Variants in NAALADL2 observed in about 807,000 individuals in gnomAD.
The protein encoded by NAALADL2 is N-acetylated alpha-linked acidic dipeptidase like 2, also known as inactive N-acetylated-alpha-linked acidic dipeptidase-like protein 2.
A neutral mutation model predicts 87.2 loss-of-function variants in NAALADL2; 76 were observed. That is an observed-to-expected ratio of 0.87 (90% CI 0.72 to 1.05). The LOEUF (loss-of-function observed/expected upper bound fraction) is 1.05. NAALADL2 is among the 50% of genes least tolerant of loss of function. NAALADL2 has a pLI of 0.00. For synonymous variants in NAALADL2, 354 were observed against 331.0 expected, an observed-to-expected ratio of 1.07 and a Z score of -0.75; for missense variants, 1,089 against 945.8, an observed-to-expected ratio of 1.15 and a Z score of -1.99.
intron 9 of NAALADL2, among the ~76,000 whole-genome samples, chr3:175,552,057 A>G (rs1244027476): frequency 6.6e-6 from 1 of 152,058 alleles, no homozygotes; most frequent in South Asian, 2.1e-4. Flanking sequence ...GCTTAAACCT[A>G]TGTGTATATA....
intron 5 of NAALADL2, among the ~76,000 whole-genome samples, chr3:175,375,615 C>T (rs1767038580): frequency 6.6e-6 from 1 of 152,104 alleles, no homozygotes; most frequent in African/African-American, 2.4e-5. Flanking sequence ...GATATTAGTA[C>T]AGTCACTCTA....
At chr3:175,092,109 A>G (rs1051007428) in intron 1 of NAALADL2, among the ~76,000 whole-genome samples, 11 of 151,978 alleles carry the variant, frequency 7.2e-5, no homozygotes, top group Non-Finnish European at 4.4e-5. Flanking sequence ...AGCACATTAA[A>G]TAATTTATCT....
intron 3 of NAALADL2, among the ~76,000 whole-genome samples, chr3:174,773,993 T>C (rs1333773219): frequency 1.3e-5 from 2 of 152,134 alleles, no homozygotes; most frequent in Non-Finnish European, 2.9e-5. Context: ...GATTGCCTTA[T>C]GAAGCAAGTG....
In NAALADL2 at chr3:175,447,235, G is replaced by C; in HGVS notation, c.1097G>C (p.Ser366Thr). ...CTTTGTCTTTTGAATACAGATGAAA[G>C]TTTTAGACAAAGCCGATCAAACCTC... ...STPGYPSVDESFRQSRSNLTS... is the reference protein window; with the variant it reads ...STPGYPSVDETFRQSRSNLTS... Residue 366 changes from serine (S) to threonine (T), a missense_variant, in exon 6 of 14, where the codon AGT (serine) becomes ACT (threonine). Ser to Thr is a moderately conservative substitution (Grantham distance 58). Transcript: ENST00000454872. 1 of 1,582,118 alleles carries C rather than the reference G, an allele frequency of 6.3e-7. No homozygotes were observed. Among genetic ancestry groups the C allele is most frequent in the South Asian group, 1.2e-5 (1 of 84,906 alleles).
intron 11 of NAALADL2, among the ~76,000 whole-genome samples, chr3:175,662,219 A>T (rs1732356597): frequency 6.6e-6 from 1 of 151,640 alleles, no homozygotes; most frequent in African/African-American, 2.4e-5. Context: ...CCTTGGTTAG[A>T]TTTATTCCTA....
chr3:175,158,927 C>G (rs559282990), intron 2 of NAALADL2, among the ~76,000 whole-genome samples: 1 of 152,132 alleles, frequency 6.6e-6, no homozygotes, highest in East Asian at 1.9e-4. Context: ...ATTTACTAAA[C>G]TTTCACTTTT....
chr3:174,602,827 T>A (rs1718591816), intron 2 of NAALADL2, among the ~76,000 whole-genome samples: 1 of 152,088 alleles, frequency 6.6e-6, no homozygotes, highest in Non-Finnish European at 1.5e-5. Flanking sequence ...TAAGGATTTT[T>A]ATTATGAAGT....
chr3:175,164,097 G>T (rs1192421729), intron 2 of NAALADL2, among the ~76,000 whole-genome samples: 1 of 151,850 alleles, frequency 6.6e-6, no homozygotes, highest in Non-Finnish European at 1.5e-5. Context: ...TTAATTTTAA[G>T]AACTAATAAT....
intron 1 of NAALADL2, among the ~76,000 whole-genome samples, chr3:174,543,020 A>G (rs1257914811): frequency 2.6e-5 from 4 of 152,128 alleles, no homozygotes; most frequent in Non-Finnish European, 5.9e-5. Flanking sequence ...TTGTGGGATT[A>G]CCCATCAGCA....
chr3:175,409,072 T>C (rs1196624246), intron 5 of NAALADL2, among the ~76,000 whole-genome samples: 1 of 152,016 alleles, frequency 6.6e-6, no homozygotes, highest in African/African-American at 2.4e-5. Flanking sequence ...ATAGCCACTA[T>C]TGTATTTTCT....
At chr3:175,307,486 A>T (rs908890367) in intron 4 of NAALADL2, among the ~76,000 whole-genome samples, 4 of 152,178 alleles carry the variant, frequency 2.6e-5, no homozygotes, top group Non-Finnish European at 5.9e-5. Context: ...ACATTTGGAG[A>T]CATAAATATG....
intron 2 of NAALADL2, among the ~76,000 whole-genome samples, chr3:175,212,873 C>T (rs1231470269): frequency 6.6e-6 from 1 of 152,062 alleles, no homozygotes; most frequent in African/African-American, 2.4e-5. Flanking sequence ...GCTTTACGAG[C>T]CAGATGCCAA....
At chr3:175,361,089 A>G (rs575428323) in intron 5 of NAALADL2, among the ~76,000 whole-genome samples, 7 of 151,528 alleles carry the variant, frequency 4.6e-5, no homozygotes, top group African/African-American at 1.7e-4. Flanking sequence ...TCATTGTTCA[A>G]TTCCCACCTA....
At chr3:175,244,864 G>C (rs13075526) in intron 3 of NAALADL2, among the ~76,000 whole-genome samples, 117,674 of 151,994 alleles carry the variant, frequency 0.77, 45,717 homozygotes, top group East Asian at 0.88. Flanking sequence ...GGGCATGTCA[G>C]CATTGAAAGT....
In NAALADL2 at chr3:175,419,647, G is replaced by A. The variant is rs571104418; in HGVS notation, c.1091-27582G>A. ...AACAAAATAGTGCCATCGTATTTCC[G>A]TTTTGTTCCTCTGTGCCTTCTCTGG... On this transcript the variant is annotated intron_variant, in intron 5 of 13. Transcript: ENST00000454872. Among the ~76,000 whole-genome samples the A allele has an allele frequency of 2.2e-3, 330 of 152,032 alleles. 1 individual carries two copies. Among genetic ancestry groups the A allele is most frequent in the Non-Finnish European group, 3.9e-3 (262 of 67,874 alleles).
At chr3:174,491,509 T>G (rs1718193373) in intron 1 of NAALADL2, among the ~76,000 whole-genome samples, 1 of 152,228 alleles carries the variant, frequency 6.6e-6, no homozygotes, top group Non-Finnish European at 1.5e-5. Context: ...GTGTTTGATG[T>G]CAGCTTACTT....
At chr3:175,197,389 A>C (rs1739184523) in intron 2 of NAALADL2, among the ~76,000 whole-genome samples, 1 of 152,040 alleles carries the variant, frequency 6.6e-6, no homozygotes, top group Non-Finnish European at 1.5e-5. Context: ...TTATGCATTC[A>C]TGACACAGCT....
At chr3:174,864,242 C>A (rs545181910) in intron 1 of NAALADL2, among the ~76,000 whole-genome samples, 7 of 152,098 alleles carry the variant, frequency 4.6e-5, no homozygotes, top group South Asian at 4.1e-4. Flanking sequence ...TTAATGAAAT[C>A]AACTAACTGA....
chr3:174,571,195 C>A (rs1714872444), intron 2 of NAALADL2, among the ~76,000 whole-genome samples: 3 of 152,010 alleles, frequency 2.0e-5, no homozygotes. Context: ...AAAAAATACA[C>A]CTGCAGGAAG....
Sources: gnomAD v4.1 joint callset for allele counts (sites outside exome capture counted in the v4.1 genomes callset) on GRCh38, gnomAD v4.1.1 for gene constraint, MANE v1.5 for transcripts, NCBI Gene and HGNC (gene_info 2026-07-23, HGNC 2026-07-21) for gene names.